RIT1: variants seen among roughly 807,000 people sequenced by gnomAD.
RIT1 encodes GTP-binding protein Rit1.
Under a neutral mutation model 25.6 loss-of-function variants are expected in RIT1, and 6 were observed. The ratio of observed to expected loss-of-function variants is 0.23; its 90% CI spans 0.13 to 0.46. The LOEUF (loss-of-function observed/expected upper bound fraction) is 0.46. Ranked by LOEUF, RIT1 falls within the 20% of genes least tolerant of loss-of-function variation. The pLI is 0.99. For synonymous variants in RIT1, 81 were observed against 94.1 expected, an observed-to-expected ratio of 0.86 and a Z score of 0.80; for missense variants, 219 against 284.4, an observed-to-expected ratio of 0.77 and a Z score of 1.65.
At chr1:155,902,994 C>T (rs1368889167) in intron 5 of RIT1, among the ~76,000 whole-genome samples, 1 of 148,596 alleles carries the variant, frequency 6.7e-6, no homozygotes, top group African/African-American at 2.5e-5. Context: ...AACCCCGTCT[C>T]TACTTAAAAA....
chr1:155,900,489 T>C lies in RIT1; in HGVS notation c.559A>G (p.Lys187Glu), dbSNP rs1673290609. The change falls in exon 6 of 6, where the codon AAG (lysine) becomes GAG (glutamate). Residue 187 changes from lysine to glutamate, a missense_variant. Physicochemically the swap from Lys to Glu is moderately conservative, Grantham distance 56. This residue lies in a region of RIT1 where 81 missense variants were observed against 83.8 expected (regional missense o/e 0.97). Coordinates refer to ENST00000368323, the MANE Select transcript of RIT1 (RefSeq NM_006912.6). ...ALVREIRRKE[K>E]EAVLAMEKKS... The stretch of plus-strand genomic sequence containing the variant: ...TTCTCCATGGCCAGTACTGCCTCCT[T>C]TTCTTTCCTACGTATCTCCCGTACA... The C allele has an allele frequency of 1.2e-6, 2 of 1,614,072 alleles. No individual in the cohort carries two copies.
chr1:155,900,661 T>C (rs745789701), intron 5 of RIT1, 43 bp from the exon 6 acceptor site: 2 of 1,548,858 alleles, frequency 1.3e-6, no homozygotes, highest in Admixed American at 1.7e-5. Flanking sequence ...TGAAAAACAA[T>C]TAAATTGTCC....
chr1:155,909,532 T>C (rs1319988850), intron 3 of RIT1, among the ~76,000 whole-genome samples: 6 of 152,224 alleles, frequency 3.9e-5, no homozygotes, highest in Non-Finnish European at 8.8e-5. Context: ...TTCTTAGTCT[T>C]TGTAGAGATT....
At position 155,898,514 on chromosome 1, in the gene RIT1, A is replaced by ATAT. The variant is rs1182735561; in HGVS notation, c.*1873_*1874insATA. The ATAT allele has an allele frequency of 7.1e-5, 7 of 99,102 alleles. No homozygotes were observed. Among genetic ancestry groups the ATAT allele is most frequent in the South Asian group, 8.1e-4 (2 of 2,462 alleles). 6.1% of individuals were successfully genotyped at this position (99,102 alleles called of 1,614,324 possible). On this transcript the variant is annotated 3_prime_UTR_variant, in exon 6 of 6. Transcript: ENST00000368323. ...ATTTAAAAAAAAAAAAAAAAAAAAA[A>ATAT]AAAAATATATATATATATATATATA...
chr1:155,904,568 T>C (rs2102584999), intron 4 of RIT1, 66 bp from the exon 5 acceptor site: 4 of 1,443,918 alleles, frequency 2.8e-6, no homozygotes, highest in East Asian at 2.3e-5. Context: ...CAATTAGCTA[T>C]TTCTTTCAGA....
At chr1:155,904,668 G>T in intron 4 of RIT1, 63 bp downstream of exon 4, 1 of 1,306,316 alleles carries the variant, frequency 7.7e-7, no homozygotes, top group Non-Finnish European at 1.1e-6. Flanking sequence ...CTCTGTGTAG[G>T]CCTTCCCCTC....
Position 155,911,330 on chromosome 1 carries a change from C to T in RIT1, c.-131G>A, listed in dbSNP as rs940327397. The stretch of plus-strand genomic sequence containing the variant: ...GGGTCACGCACTTCGTCTTCCTTCA[C>T]TCGCGGAGGCTCCGGCACTGACCTG... On this transcript the variant is annotated 5_prime_UTR_variant, in exon 1 of 6. It adds an upstream start codon to the 5' untranslated region. Transcript: ENST00000368323. 2.7e-5 allele frequency: 5 copies of T among 186,966 alleles called. No homozygotes were observed. The highest frequency in any genetic ancestry group is 9.5e-5 in the African/African-American group (4 of 41,978). 11.6% of individuals were successfully genotyped at this position (186,966 alleles called of 1,614,324 possible). A position where few individuals can be genotyped will look rare whatever the true frequency, so the allele number is the denominator to read the frequency against.
chr1:155,907,994 G>A (rs557157373), intron 3 of RIT1, among the ~76,000 whole-genome samples: 4 of 152,042 alleles, frequency 2.6e-5, no homozygotes, highest in Admixed American at 2.6e-4. Flanking sequence ...GGAGCCTGAG[G>A]CAGGAGAATG....
intron 4 of RIT1, 111 bp downstream of exon 4, chr1:155,904,620 A>G (rs752080344): frequency 1.1e-4 from 126 of 1,198,730 alleles, no homozygotes; most frequent in Non-Finnish European, 1.3e-4. Flanking sequence ...CCTGAGTCAG[A>G]GTGCATGAAA....
At chr1:155,900,705 G>C in intron 5 of RIT1, 87 bp from the exon 6 acceptor site, 1 of 1,064,638 alleles carries the variant, frequency 9.4e-7, no homozygotes, top group Non-Finnish European at 1.4e-6. Flanking sequence ...TTAACACAAA[G>C]AAAGCTTCTC....
At position 155,911,053 on chromosome 1, in the gene RIT1, C is replaced by T. The variant is rs1265493603; in HGVS notation, c.-44+190G>A. On this transcript the variant is annotated intron_variant, in intron 1 of 5. Coordinates refer to ENST00000368323, the MANE Select transcript of RIT1 (RefSeq NM_006912.6). Reference sequence around the variant, plus strand: ...TTCCAAAGAGAAAAATAAAAAGATACAAATAAATTTACGTCTCGGCACAGT... The same window carrying T: ...TTCCAAAGAGAAAAATAAAAAGATATAAATAAATTTACGTCTCGGCACAGT... 1.1e-3 allele frequency: 934 copies of T among 871,778 alleles called. 8 individuals carry two copies. Among genetic ancestry groups the T allele is most frequent in the Non-Finnish European group, 7.3e-5 (41 of 564,258 alleles). The allele number at this position is 871,778 out of a possible 1,614,324, so 54.0% of individuals were successfully genotyped here.
Position 155,898,736 on chromosome 1 carries a change from G to A in RIT1, c.*1652C>T, listed in dbSNP as rs189334206. On this transcript the variant is annotated 3_prime_UTR_variant, in exon 6 of 6. Transcript: ENST00000368323. ...ATTTGTGTCCTGCACAGAATCAAAT[G>A]CTAGGTCTTTCACTTTTGGATGGCT... 355 of 191,900 alleles carry A rather than the reference G, an allele frequency of 1.8e-3. No homozygotes were observed. The highest frequency in any genetic ancestry group is 3.1e-3 in the Non-Finnish European group (289 of 91,790). The allele number at this position is 191,900 out of a possible 1,614,324, so 11.9% of individuals were successfully genotyped here. A position where few individuals can be genotyped will look rare whatever the true frequency, so the allele number is the denominator to read the frequency against.
chr1:155,907,240 CTTT>C (rs773275927), intron 3 of RIT1, among the ~76,000 whole-genome samples: 12 of 139,020 alleles, frequency 8.6e-5, no homozygotes, highest in East Asian at 2.1e-4. Flanking sequence ...CATTCATATG[CTTT>C]TTTTTTTTTT....
chr1:155,909,427 C>T (rs1343759688), intron 3 of RIT1, among the ~76,000 whole-genome samples: 1 of 151,816 alleles, frequency 6.6e-6, no homozygotes, highest in Non-Finnish European at 1.5e-5. Context: ...ACTTTCTGTG[C>T]CCTCTCCCAT....
chr1:155,900,514 A>G lies in RIT1; in HGVS notation c.534T>C (p.Leu178=). ...TTTCTTTCCTACGTATCTCCCGTACAAGGGCATGGAAAACATCATCAATAT... is the reference window on the plus strand; with the variant it reads ...TTTCTTTCCTACGTATCTCCCGTACGAGGGCATGGAAAACATCATCAATAT... ...RYYIDDVFHA[L]VREIRRKEKE... is the part of the protein sequence containing the mutation. Residue 178 remains leucine, a synonymous_variant, in exon 6 of 6, where the codon CTT becomes CTC. Coordinates refer to ENST00000368323, the MANE Select transcript of RIT1 (RefSeq NM_006912.6). The G allele has an allele frequency of 6.2e-7, 1 of 1,614,148 alleles. No homozygotes were observed. The highest frequency in any genetic ancestry group is 8.5e-7 in the Non-Finnish European group (1 of 1,180,012).
chr1:155,903,019 C>G (rs1304297453), intron 5 of RIT1, among the ~76,000 whole-genome samples: 1 of 139,332 alleles, frequency 7.2e-6, no homozygotes, highest in Non-Finnish European at 1.6e-5. Context: ...AAAATTAGGC[C>G]GGGCGCGGTG....
At position 155,900,176 on chromosome 1, in the gene RIT1, G is replaced by A; in HGVS notation, c.*212C>T. 1 of 528,552 alleles carries A rather than the reference G, an allele frequency of 1.9e-6. No homozygotes were observed. The highest frequency in any genetic ancestry group is 2.8e-5 in the South Asian group (1 of 36,030). 32.7% of individuals were successfully genotyped at this position (528,552 alleles called of 1,614,324 possible). A position where few individuals can be genotyped will look rare whatever the true frequency, so the allele number is the denominator to read the frequency against. ...ACATTGGTAGAACAAATTCTAATGT[G>A]ACAATTTAAAAGCAGACAGTGCTCC... On this transcript the variant is annotated 3_prime_UTR_variant, in exon 6 of 6. Transcript: ENST00000368323.
In RIT1 at chr1:155,900,095, A is replaced by G; in HGVS notation, c.*293T>C. The G allele has an allele frequency of 2.6e-6, 1 of 391,534 alleles. No individual in the cohort carries two copies. The highest frequency in any genetic ancestry group is 3.6e-5 in the South Asian group (1 of 27,638). 24.3% of individuals were successfully genotyped at this position (391,534 alleles called of 1,614,324 possible). On this transcript the variant is annotated 3_prime_UTR_variant, in exon 6 of 6. Coordinates refer to ENST00000368323, the MANE Select transcript of RIT1 (RefSeq NM_006912.6). ...ACTTAGTCAAACACACATGGTATAC[A>G]TATTCTCCTGGGTATAAACAAATTT... is the stretch of plus-strand genomic sequence containing the variant.
In RIT1 at chr1:155,898,514, AAAAAATATATAT is replaced by A. The variant is rs1215837368; in HGVS notation, c.*1862_*1873del. 1.2e-4 allele frequency: 12 copies of A among 99,110 alleles called. No homozygotes were observed. The South Asian group carries it at 3.2e-3, about 27-fold the overall frequency. The allele number at this position is 99,110 out of a possible 1,614,324, so 6.1% of individuals were successfully genotyped here. A position where few individuals can be genotyped will look rare whatever the true frequency, so the allele number is the denominator to read the frequency against. On this transcript the variant is annotated 3_prime_UTR_variant, in exon 6 of 6. Coordinates refer to ENST00000368323, the MANE Select transcript of RIT1 (RefSeq NM_006912.6). ...ATTTAAAAAAAAAAAAAAAAAAAAA[AAAAAATATATAT>A]ATATATATATATATATATCTCTTAA...
Sources: allele counts gnomAD v4.1 joint callset (sites outside exome capture counted in the v4.1 genomes callset), GRCh38; gene constraint gnomAD v4.1.1; regional missense constraint gnomAD v4.1.1; transcripts MANE v1.5; gene names NCBI Gene and HGNC (gene_info 2026-07-23, HGNC 2026-07-21).